Variants in CSMD1 observed in about 807,000 individuals in gnomAD.
CSMD1 encodes the protein CUB and Sushi multiple domains 1.
In CSMD1, 213 loss-of-function variants were observed where a neutral mutation model predicts 417.5. That is an observed-to-expected ratio of 0.51 (90% CI 0.46 to 0.57). The LOEUF is 0.57. Ranked by LOEUF, CSMD1 falls within the 20% of genes least tolerant of loss-of-function variation. The pLI is 0.00. For missense variants in CSMD1, 6,923 were observed against 4,529.7 expected, an observed-to-expected ratio of 1.53 and a Z score of -15.17; for synonymous variants, 2,862 against 1,736.8, an observed-to-expected ratio of 1.65 and a Z score of -16.11.
At chr8:3,735,653 C>A (rs371294111) in intron 6 of CSMD1, among the ~76,000 whole-genome samples, 1 of 152,168 alleles carries the variant, frequency 6.6e-6, no homozygotes, top group Admixed American at 6.5e-5. Context: ...CTGGTTCACT[C>A]GGCTGAGAAA....
intron 25 of CSMD1, among the ~76,000 whole-genome samples, chr8:3,291,926 C>A (rs573656488): frequency 9.3e-4 from 141 of 151,952 alleles, no homozygotes; most frequent in African/African-American, 3.1e-3. Flanking sequence ...GTTAGGGTGT[C>A]AATTTTAGAT....
intron 11 of CSMD1, among the ~76,000 whole-genome samples, chr8:3,486,021 C>T (rs1389366662): frequency 6.6e-6 from 1 of 152,000 alleles, no homozygotes; most frequent in Non-Finnish European, 1.5e-5. Flanking sequence ...ACTATCGATT[C>T]GAGTTCTCCT....
intron 5 of CSMD1, among the ~76,000 whole-genome samples, chr8:3,943,423 T>TTTAAAAAA (rs1811018733): frequency 7.3e-6 from 1 of 137,182 alleles, no homozygotes. Flanking sequence ...TTTTTTTCAT[T>TTTAAAAAA]AAAAAAAAAA....
At chr8:4,173,368 G>A (rs530255065) in intron 3 of CSMD1, among the ~76,000 whole-genome samples, 45 of 152,254 alleles carry the variant, frequency 3.0e-4, no homozygotes, top group Middle Eastern at 3.4e-3. Context: ...ATGCTGAACA[G>A]AAGATGAGAC....
At chr8:3,734,361 G>A (rs1419093478) in intron 6 of CSMD1, among the ~76,000 whole-genome samples, 5 of 152,160 alleles carry the variant, frequency 3.3e-5, no homozygotes, top group East Asian at 3.9e-4. Flanking sequence ...CGACAGCATC[G>A]TAGAAAAATG....
intron 3 of CSMD1, among the ~76,000 whole-genome samples, chr8:4,079,989 G>A (rs578093479): frequency 1.9e-4 from 28 of 150,580 alleles, no homozygotes; most frequent in African/African-American, 6.6e-4. Context: ...AGAAAATTAT[G>A]TTCGAATATT....
At chr8:4,286,530 T>C (rs1797064383) in intron 3 of CSMD1, among the ~76,000 whole-genome samples, 1 of 152,036 alleles carries the variant, frequency 6.6e-6, no homozygotes, top group Non-Finnish European at 1.5e-5. Flanking sequence ...TGAGATAATA[T>C]GGTCTCATCA....
At chr8:4,223,341 A>G (rs1801152644) in intron 3 of CSMD1, among the ~76,000 whole-genome samples, 1 of 152,260 alleles carries the variant, frequency 6.6e-6, no homozygotes, top group Admixed American at 6.5e-5. Context: ...TTGTCTCAGA[A>G]CAATTTAAAC....
intron 3 of CSMD1, among the ~76,000 whole-genome samples, chr8:4,206,466 C>A (rs78301702): frequency 6.6e-6 from 1 of 152,090 alleles, no homozygotes; most frequent in Admixed American, 6.6e-5. Context: ...ATAGTTTGCT[C>A]AGAATAATGG....
chr8:4,205,101 A>G (rs1459947229), intron 3 of CSMD1, among the ~76,000 whole-genome samples: 1 of 152,248 alleles, frequency 6.6e-6, no homozygotes, highest in Non-Finnish European at 1.5e-5. Context: ...CTTTAAAAAG[A>G]AACATGATTT....
chr8:3,251,483 G>C (rs1800252922), intron 26 of CSMD1, among the ~76,000 whole-genome samples: 1 of 152,196 alleles, frequency 6.6e-6, no homozygotes, highest in African/African-American at 2.4e-5. Context: ...AGTATAGTTT[G>C]AAGTCAGGTA....
At chr8:3,660,913 T>A (rs1798383623) in intron 7 of CSMD1, among the ~76,000 whole-genome samples, 1 of 152,164 alleles carries the variant, frequency 6.6e-6, no homozygotes. Flanking sequence ...CTGCTCCCAA[T>A]TCATAGAAGT....
intron 3 of CSMD1, among the ~76,000 whole-genome samples, chr8:4,051,465 C>A (rs895196671): frequency 6.6e-6 from 1 of 152,168 alleles, no homozygotes; most frequent in Non-Finnish European, 1.5e-5. Context: ...GCGCCCTACA[C>A]GTATAAATTG....
At chr8:4,976,884 T>C (rs9657374) in intron 1 of CSMD1, among the ~76,000 whole-genome samples, 63,262 of 151,978 alleles carry the variant, frequency 0.42, 15,386 homozygotes, top group African/African-American at 0.68. Flanking sequence ...GGGACATTGC[T>C]GGTCAGCTAT....
intron 8 of CSMD1, among the ~76,000 whole-genome samples, chr8:3,606,270 C>T (rs566251536): frequency 7.2e-5 from 11 of 152,092 alleles, no homozygotes; most frequent in East Asian, 3.9e-4. Flanking sequence ...GGTGGTTGTG[C>T]GAACATCACA....
chr8:4,140,262 T>C (rs1376826430), intron 3 of CSMD1, among the ~76,000 whole-genome samples: 1 of 150,838 alleles, frequency 6.6e-6, no homozygotes, highest in Non-Finnish European at 1.5e-5. Context: ...TTTGGGAAGC[T>C]AAGGCGGGTG....
intron 2 of CSMD1, among the ~76,000 whole-genome samples, chr8:4,422,700 C>T (rs966527769): frequency 1.3e-5 from 2 of 151,958 alleles, no homozygotes; most frequent in African/African-American, 4.8e-5. Flanking sequence ...GAGACTAAGA[C>T]ACTCTAATAT....
intron 10 of CSMD1, among the ~76,000 whole-genome samples, chr8:3,540,107 G>C (rs1585329163): frequency 6.6e-6 from 1 of 152,074 alleles, no homozygotes; most frequent in Admixed American, 6.5e-5. Context: ...GTTGCTTGTA[G>C]ACTTGTTTAC....
chr8:4,089,994 C>G (rs866518767), intron 3 of CSMD1, among the ~76,000 whole-genome samples: 41 of 152,314 alleles, frequency 2.7e-4, no homozygotes, highest in Admixed American at 1.3e-4. Context: ...TGGAAACCTA[C>G]TTTCTCTACT....
Sources: allele counts gnomAD v4.1 joint callset (sites outside exome capture counted in the v4.1 genomes callset), GRCh38; gene constraint gnomAD v4.1.1; transcripts MANE v1.5; gene names NCBI Gene and HGNC (gene_info 2026-07-23, HGNC 2026-07-21).